Variants in SLC30A3 observed in about 807,000 individuals in gnomAD.
SLC30A3 encodes probable proton-coupled zinc antiporter SLC30A3.
In SLC30A3, 20 loss-of-function variants were observed where a neutral mutation model predicts 35.6. That is an observed-to-expected ratio of 0.56 (90% CI 0.39 to 0.82). The LOEUF (loss-of-function observed/expected upper bound fraction) is 0.82. Ranked by LOEUF, SLC30A3 falls within the 40% of genes least tolerant of loss-of-function variation. The probability of loss-of-function intolerance (pLI) is 0.00; values close to 1 mark genes in which losing one functional copy is unlikely to be tolerated. For missense variants in SLC30A3, 401 were observed against 530.6 expected (o/e 0.76, Z 2.40); for synonymous variants, 217 against 224.7 (o/e 0.97, Z 0.31).
At chr2:27,275,306 G>GCTCCTAC (rs1375198983) in exon 1 of SLC30A3, 1 of 948,754 alleles carries the variant, frequency 1.1e-6, no homozygotes, top group Middle Eastern at 3.5e-4. Flanking sequence ...TGGCAGCAAC[G>GCTCCTAC]CTCCTACGCT....
intron 1 of SLC30A3, among the ~76,000 whole-genome samples, chr2:27,273,535 G>C (rs991005618): frequency 1.3e-5 from 2 of 150,698 alleles, no homozygotes; most frequent in South Asian, 2.1e-4. Flanking sequence ...GGGGGTTAAA[G>C]AAATCTGGCA....
chr2:27,268,693 A>G (rs144820740), intron 1 of SLC30A3, among the ~76,000 whole-genome samples: 95 of 152,058 alleles, frequency 6.2e-4, no homozygotes, highest in African/African-American at 2.1e-3. Flanking sequence ...ACTGCACTCC[A>G]GCCTGGGTGA....
At chr2:27,263,489 G>A (rs1447230515), upstream of SLC30A3, 1 of 320,142 alleles carries the variant, frequency 3.1e-6, no homozygotes, top group Non-Finnish European at 6.6e-6. Flanking sequence ...AAGAACATGA[G>A]GTGAGCGGTG....
At position 27,258,706 on chromosome 2, in the gene SLC30A3, G is replaced by C. The variant is rs774400462; in HGVS notation, c.277+47C>G. ...TGGGACTCTGGGTGGAGAGTGGCTT[G>C]GGCAGGTATTTGGAGAATGGGGTTT... On this transcript the variant is annotated intron_variant, in intron 2 of 7. Transcript: ENST00000233535. This position sits in a 1 kb window ranked among gnomAD's most constrained non-coding sequence, Gnocchi z 4.0. 3 of 1,590,626 alleles carry C rather than the reference G, an allele frequency of 1.9e-6. No homozygotes were observed. Among genetic ancestry groups the C allele is most frequent in the South Asian group, 2.2e-5 (2 of 90,366 alleles).
At position 27,262,860 on chromosome 2, in the gene SLC30A3, A is replaced by G. The variant is rs1572481974; in HGVS notation, c.47T>C (p.Val16Ala). The change falls in exon 1 of 8, where the codon GTG becomes GCG. Residue 16 changes from valine (V) to alanine (A), a missense_variant. Around this residue, in one of 3 missense-constraint regions of SLC30A3, gnomAD observed 103 missense variants for 120.7 expected, o/e 0.85. Coordinates refer to ENST00000233535, the MANE Select transcript of SLC30A3 (RefSeq NM_003459.5). The surrounding 1 kb of genome is among the most constrained non-coding windows in gnomAD (Gnocchi z 7.5). ...AAGGLETTRL[V>A]SPRDRGGAGG... ...GGCGCCACCGCGGTCCCGGGGGCTC[A>G]CCAGGCGAGTGGTCTCCAAGCCCCC... The G allele has an allele frequency of 6.4e-7, 1 of 1,567,174 alleles. No individual in the cohort carries two copies. Among genetic ancestry groups the G allele is most frequent in the South Asian group, 1.2e-5 (1 of 86,228 alleles).
rs1418266305 is a variant in SLC30A3, at chr2:27,258,190, C to T, written c.395G>A (p.Arg132His). 2.5e-6 allele frequency: 4 copies of T among 1,597,080 alleles called. No homozygotes were observed. Among genetic ancestry groups the T allele is most frequent in the Admixed American group, 3.4e-5 (2 of 58,660 alleles). The change falls in exon 3 of 8, where the codon CGC (arginine) becomes CAC (histidine). Residue 132 changes from arginine to histidine, a missense_variant. Arg to His is a conservative substitution (Grantham distance 29). This residue lies in a region of SLC30A3 where 296 missense variants were observed against 392.6 expected (regional missense o/e 0.75). Transcript: ENST00000233535. The surrounding 1 kb of genome is among the most constrained non-coding windows in gnomAD (Gnocchi z 4.0). ...ACGGTGCCAGCCAAAGGTCATGGTG[C>T]GGGTGGCTGGACGGGTGGAGAGCCA... ...SLWLSTRPAT[R>H]TMTFGWHRSE... is the part of the protein sequence containing the mutation.
intron 6 of SLC30A3, 100 bp downstream of exon 6, chr2:27,256,688 C>A: frequency 7.8e-7 from 1 of 1,282,234 alleles, no homozygotes. Flanking sequence ...ATGAGCCAAG[C>A]CTTCTTCCCG....
intron 1 of SLC30A3, among the ~76,000 whole-genome samples, chr2:27,260,266 T>C (rs1677116040): frequency 6.6e-6 from 1 of 152,096 alleles, no homozygotes; most frequent in Non-Finnish European, 1.5e-5. Flanking sequence ...ATTCCAGAGC[T>C]GGGGTTGTCA....
chr2:27,256,698 G>T, intron 6 of SLC30A3, 90 bp downstream of exon 6: 1 of 1,278,772 alleles, frequency 7.8e-7, no homozygotes, highest in Non-Finnish European at 1.1e-6. Context: ...CCTTCTTCCC[G>T]TACTATCTTC....
intron 1 of SLC30A3, chr2:27,275,061 AGGT>A: frequency 1.8e-6 from 1 of 540,650 alleles, no homozygotes; most frequent in Non-Finnish European, 3.2e-6. Flanking sequence ...TGGGTCTTCC[AGGT>A]TGTGGAGGTG....
At chr2:27,265,960 G>A (rs1297847151), upstream of SLC30A3, among the ~76,000 whole-genome samples, 3 of 152,120 alleles carry the variant, frequency 2.0e-5, no homozygotes, top group Non-Finnish European at 2.9e-5. This position sits in a 1 kb window ranked among gnomAD's most constrained non-coding sequence, Gnocchi z 5.9. Flanking sequence ...GAGGGCAACA[G>A]CTTAAATGTC....
rs373068911 is a variant in SLC30A3, at chr2:27,256,416, A to G, written c.988T>C (p.Tyr330His). ...ELHLWALTLT[Y>H]HVASAHLAID... ...GCCAGGTGTGCAGAGGCAACATGGTAAGTGAGCGTAAGGGCCCACAGGTGC... is the reference window on the plus strand; with the variant it reads ...GCCAGGTGTGCAGAGGCAACATGGTGAGTGAGCGTAAGGGCCCACAGGTGC... The change falls in exon 7 of 8, where the codon TAC becomes CAC. Residue 330 changes from tyrosine to histidine, a missense_variant. By Grantham distance (83) the Tyr-to-His change is moderately conservative. Around this residue, in one of 3 missense-constraint regions of SLC30A3, gnomAD observed 296 missense variants for 392.6 expected, o/e 0.75. Coordinates refer to ENST00000233535, the MANE Select transcript of SLC30A3 (RefSeq NM_003459.5). The G allele has an allele frequency of 6.2e-7, 1 of 1,614,002 alleles. No homozygotes were observed. Among genetic ancestry groups the G allele is most frequent in the African/African-American group, 1.3e-5 (1 of 74,910 alleles).
At position 27,271,912 on chromosome 2, in the gene SLC30A3, A is replaced by G. The variant is rs1196761892; in HGVS notation, c.-159+3265T>C. 6.6e-6 allele frequency among the ~76,000 whole-genome samples: 1 copy of G among 152,264 alleles called. No homozygotes were observed. Among genetic ancestry groups the G allele is most frequent in the Non-Finnish European group, 1.5e-5 (1 of 68,036 alleles). On this transcript the variant is annotated intron_variant, in intron 1 of 5. Coordinates refer to the SLC30A3 transcript ENST00000424577. This position sits in a 1 kb window ranked among gnomAD's most constrained non-coding sequence, Gnocchi z 4.3. ...AGAATGTCAGAGGGCCATGATAAGAAGTGAAAACATTCTGCAGCCTCTGTC... is the reference window on the plus strand; with the variant it reads ...AGAATGTCAGAGGGCCATGATAAGAGGTGAAAACATTCTGCAGCCTCTGTC...
rs1428672743 is a variant in SLC30A3, at chr2:27,257,255, G to T, written c.676C>A (p.Pro226Thr). ...PLEEGPEEPL[P>T]LGNTSVRAAF... is the part of the protein sequence containing the mutation. ...GCCCGGACGCTGGTGTTCCCCAGGGGCAGGGGCTCTTCAGGCCCCTCCTCC... is the reference window on the plus strand; with the variant it reads ...GCCCGGACGCTGGTGTTCCCCAGGGTCAGGGGCTCTTCAGGCCCCTCCTCC... Residue 226 changes from proline to threonine, a missense_variant, in exon 5 of 8, where the codon CCC (proline) becomes ACC (threonine). Around this residue, in one of 3 missense-constraint regions of SLC30A3, gnomAD observed 296 missense variants for 392.6 expected, o/e 0.75. Coordinates refer to ENST00000233535, the MANE Select transcript of SLC30A3 (RefSeq NM_003459.5). This position sits in a 1 kb window ranked among gnomAD's most constrained non-coding sequence, Gnocchi z 4.7. The T allele has an allele frequency of 1.2e-6, 2 of 1,613,938 alleles. No homozygotes were observed. Among genetic ancestry groups the T allele is most frequent in the African/African-American group, 2.7e-5 (2 of 74,906 alleles).
chr2:27,271,669 G>A lies in SLC30A3; in HGVS notation c.-159+3508C>T, dbSNP rs896421501. ...TGTGTTCTTCCTAGGACTGAGCTGCGTGTGAGAAGAGCCCAGGCATAGAAC... is the reference window on the plus strand; with the variant it reads ...TGTGTTCTTCCTAGGACTGAGCTGCATGTGAGAAGAGCCCAGGCATAGAAC... On this transcript the variant is annotated intron_variant, in intron 1 of 5. Transcript: ENST00000424577. The surrounding 1 kb of genome is among the most constrained non-coding windows in gnomAD (Gnocchi z 4.3). 4.6e-5 allele frequency among the ~76,000 whole-genome samples: 7 copies of A among 152,198 alleles called. No homozygotes were observed. The East Asian group carries it at 7.7e-4, about 17-fold the overall frequency.
At chr2:27,264,162 A>T, upstream of SLC30A3, 1 of 834,368 alleles carries the variant, frequency 1.2e-6, no homozygotes, top group Non-Finnish European at 1.7e-6. This position sits in a 1 kb window ranked among gnomAD's most constrained non-coding sequence, Gnocchi z 6.1. Flanking sequence ...CCGTAGGAGG[A>T]GGGGAGCGAG....
upstream of SLC30A3, among the ~76,000 whole-genome samples, chr2:27,264,788 C>G (rs1677422333): frequency 6.6e-6 from 1 of 152,174 alleles, no homozygotes; most frequent in Non-Finnish European, 1.5e-5. The surrounding 1 kb of genome is among the most constrained non-coding windows in gnomAD (Gnocchi z 6.1). Context: ...CAAATTGAGG[C>G]GGCGAGAGCA....
At chr2:27,265,354 G>GT (rs1677456314), upstream of SLC30A3, among the ~76,000 whole-genome samples, 1 of 152,208 alleles carries the variant, frequency 6.6e-6, no homozygotes, top group Admixed American at 6.5e-5. This position sits in a 1 kb window ranked among gnomAD's most constrained non-coding sequence, Gnocchi z 5.9. Flanking sequence ...GAAAATTTAT[G>GT]TAAGGAAAGC....
upstream of SLC30A3, chr2:27,275,581 C>T (rs559458378): frequency 2.9e-4 from 85 of 297,444 alleles, no homozygotes; most frequent in South Asian, 2.5e-3. Context: ...GGTGAGGAGT[C>T]GGCACAGGGC....
Sources: allele counts gnomAD v4.1 joint callset (sites outside exome capture counted in the v4.1 genomes callset), GRCh38; gene constraint gnomAD v4.1.1; regional missense constraint gnomAD v4.1.1; non-coding constraint Gnocchi (gnomAD v3.1); transcripts MANE v1.5; gene names NCBI Gene and HGNC (gene_info 2026-07-23, HGNC 2026-07-21).